MTUS1: variants seen among roughly 807,000 people sequenced by gnomAD.
MTUS1 encodes microtubule-associated tumor suppressor 1.
Under a neutral mutation model 120.8 loss-of-function variants are expected in MTUS1, and 109 were observed. The observed-to-expected ratio is 0.90, with a 90% CI of 0.77 to 1.06. The LOEUF is 1.06. Ranked by LOEUF, MTUS1 falls within the 50% of genes least tolerant of loss-of-function variation. The probability of loss-of-function intolerance (pLI) is 0.00; values close to 1 mark genes in which losing one functional copy is unlikely to be tolerated. For missense variants in MTUS1, 2,210 were observed against 1,486.3 expected, an observed-to-expected ratio of 1.49 and a Z score of -8.01; for synonymous variants, 737 against 550.5, an observed-to-expected ratio of 1.34 and a Z score of -4.74.
At chr8:17,649,237 A>G (rs1301005666) in intron 13 of MTUS1, among the ~76,000 whole-genome samples, 1 of 151,976 alleles carries the variant, frequency 6.6e-6, no homozygotes, top group Non-Finnish European at 1.5e-5. Flanking sequence ...TTATATTTTT[A>G]GTAGAGACAG....
At chr8:17,691,559 G>A (rs558348896) in intron 6 of MTUS1, among the ~76,000 whole-genome samples, 8 of 152,346 alleles carry the variant, frequency 5.3e-5, no homozygotes, top group African/African-American at 1.9e-4. Flanking sequence ...GAGGCTGAAA[G>A]GAAGAATCTG....
chr8:17,645,916 T>C lies in MTUS1; in HGVS notation c.*10A>G, dbSNP rs1805673633. Reference sequence around the variant, plus strand: ...ATGCTTTCAGAGAGTCTGTGGACTTTGGGGAGGTGTCATCTGGGTGAAATG... The same window carrying C: ...ATGCTTTCAGAGAGTCTGTGGACTTCGGGGAGGTGTCATCTGGGTGAAATG... On this transcript the variant is annotated 3_prime_UTR_variant, in exon 15 of 15. Transcript: ENST00000693296. The C allele has an allele frequency of 6.2e-7, 1 of 1,607,928 alleles. No individual in the cohort carries two copies. The highest frequency in any genetic ancestry group is 8.5e-7 in the Non-Finnish European group (1 of 1,178,160).
intron 8 of MTUS1, among the ~76,000 whole-genome samples, chr8:17,671,916 T>C (rs1812106156): frequency 1.3e-5 from 2 of 152,166 alleles, no homozygotes; most frequent in Non-Finnish European, 2.9e-5. Context: ...CTGCTTTATA[T>C]GCATTACTAT....
rs775480695 is a variant in MTUS1 at position 17,754,757 on chromosome 8, G to C, written c.1051C>G (p.Pro351Ala). The C allele has an allele frequency of 1.2e-6, 2 of 1,614,192 alleles. No individual in the cohort carries two copies. The highest frequency in any genetic ancestry group is 1.7e-5 in the Admixed American group (1 of 60,022). ...VSYCLIDDEC[P>A]LMVPAFDKSE... ...TTATCAAAAGCTGGCACCATTAAAG[G>C]GCATTCATCATCAATAAGACAATAG... Residue 351 changes from proline to alanine, a missense_variant, in exon 2 of 15, where the codon CCT (proline) becomes GCT (alanine). Physicochemically the swap from Pro to Ala is conservative, Grantham distance 27. Coordinates refer to ENST00000693296, the MANE Select transcript of MTUS1 (RefSeq NM_001363059.2).
At chr8:17,771,253 G>A (rs1360898022) in intron 1 of MTUS1, among the ~76,000 whole-genome samples, 2 of 152,152 alleles carry the variant, frequency 1.3e-5, no homozygotes, top group African/African-American at 4.8e-5. Context: ...CATTAGCAGT[G>A]GTTCACCATC....
At chr8:17,701,555 A>T (rs1329279330) in intron 6 of MTUS1, among the ~76,000 whole-genome samples, 2 of 150,422 alleles carry the variant, frequency 1.3e-5, no homozygotes, top group African/African-American at 4.9e-5. Context: ...TCATCGTAGA[A>T]TTTTTTTTTT....
Position 17,755,819 on chromosome 8 carries a change from A to G in MTUS1, c.-12T>C, listed in dbSNP as rs532381568. The G allele has an allele frequency of 3.8e-6, 6 of 1,588,854 alleles. No homozygotes were observed. In the South Asian group the frequency reaches 6.9e-5, roughly 18 times the overall value. On this transcript the variant is annotated 5_prime_UTR_variant, in exon 2 of 15. Coordinates refer to ENST00000693296, the MANE Select transcript of MTUS1 (RefSeq NM_001363059.2). ...TTATCATCAGTCATCCTGAATAGTA[A>G]CCTTAAACCTCTGCCATTTTATTTC... is the stretch of plus-strand genomic sequence containing the variant.
At chr8:17,708,082 G>A (rs1340694784) in intron 6 of MTUS1, among the ~76,000 whole-genome samples, 1 of 152,064 alleles carries the variant, frequency 6.6e-6, no homozygotes, top group African/African-American at 2.4e-5. Context: ...AAAAGCAGAA[G>A]CAACAAAAGA....
At chr8:17,699,153 CT>C (rs1226304900) in intron 6 of MTUS1, among the ~76,000 whole-genome samples, 2 of 152,100 alleles carry the variant, frequency 1.3e-5, no homozygotes, top group Non-Finnish European at 2.9e-5. Flanking sequence ...GGTGGTTTTT[CT>C]TTCTTTTGGT....
chr8:17,691,943 A>G (rs534822221), intron 6 of MTUS1: 3 of 152,338 alleles, frequency 2.0e-5, no homozygotes, highest in Admixed American at 6.5e-5. Flanking sequence ...CATTCAAGAG[A>G]TCAAAAATCA....
chr8:17,678,037 G>A (rs767209121), intron 7 of MTUS1, among the ~76,000 whole-genome samples: 27 of 152,018 alleles, frequency 1.8e-4, no homozygotes, highest in Non-Finnish European at 2.9e-4. Context: ...TGACCTCATC[G>A]GATGGGAAGC....
chr8:17,646,171 T>G, intron 14 of MTUS1, 32 bp from the exon 15 acceptor site: 5 of 1,509,346 alleles, frequency 3.3e-6, no homozygotes, highest in Non-Finnish European at 4.4e-6. Context: ...CCATGAGATC[T>G]ATGTAAAAAA....
chr8:17,656,385 G>A (rs930125666), intron 8 of MTUS1, among the ~76,000 whole-genome samples: 4 of 151,878 alleles, frequency 2.6e-5, no homozygotes, highest in South Asian at 4.2e-4. Context: ...AAAATTAGCC[G>A]GGCATGGTAG....
At position 17,647,001 on chromosome 8, in the gene MTUS1, T is replaced by C. The variant is rs1378539566; in HGVS notation, c.3580A>G (p.Lys1194Glu). The C allele has an allele frequency of 6.2e-7, 1 of 1,613,962 alleles. No individual in the cohort carries two copies. The change falls in exon 14 of 15, where the codon AAG (lysine) becomes GAG (glutamate). Residue 1194 changes from lysine to glutamate, a missense_variant. Lys to Glu is a moderately conservative substitution (Grantham distance 56, BLOSUM62 1). Coordinates refer to ENST00000693296, the MANE Select transcript of MTUS1 (RefSeq NM_001363059.2). ...ENEELKARMD[K>E]HMAISRQLST... The stretch of plus-strand genomic sequence containing the variant: ...TTTTACCTTGAGATTGCCATGTGCT[T>C]GTCCATCCGAGCTTTCAATTCTTCA...
chr8:17,698,754 A>G (rs1429658123), intron 6 of MTUS1, among the ~76,000 whole-genome samples: 1 of 152,098 alleles, frequency 6.6e-6, no homozygotes, highest in Non-Finnish European at 1.5e-5. Context: ...CAAGCCCCCA[A>G]CTTGCCATTT....
chr8:17,701,839 G>A (rs60753448), intron 6 of MTUS1, among the ~76,000 whole-genome samples: 86,861 of 151,560 alleles, frequency 0.57, 25,723 homozygotes, highest in Middle Eastern at 0.72. Flanking sequence ...GTGAGCCACC[G>A]CACCCGGCCA....
At chr8:17,764,041 G>A (rs543685491) in intron 1 of MTUS1, among the ~76,000 whole-genome samples, 37 of 152,288 alleles carry the variant, frequency 2.4e-4, no homozygotes, top group Non-Finnish European at 3.5e-4. Flanking sequence ...AGATCTCAGC[G>A]AGCAAGAAAT....
At chr8:17,779,484 G>T (rs1162143888) in intron 1 of MTUS1, among the ~76,000 whole-genome samples, 2 of 152,168 alleles carry the variant, frequency 1.3e-5, no homozygotes, top group African/African-American at 4.8e-5. Flanking sequence ...AAGATTTGTT[G>T]TATTTGTTCT....
At chr8:17,742,269 G>GTTTTTGTTTT (rs1554516813) in intron 3 of MTUS1, among the ~76,000 whole-genome samples, 2 of 94,900 alleles carry the variant, frequency 2.1e-5, no homozygotes, top group African/African-American at 8.6e-5. Context: ...ATGCCCAGCT[G>GTTTTTGTTTT]TTTTTTTTTT....
Sources: gnomAD v4.1 joint callset for allele counts (sites outside exome capture counted in the v4.1 genomes callset) on GRCh38, gnomAD v4.1.1 for gene constraint, MANE v1.5 for transcripts, NCBI Gene and HGNC (gene_info 2026-07-23, HGNC 2026-07-21) for gene names.